CCDC157: variants seen among roughly 807,000 people sequenced by gnomAD.
CCDC157 encodes coiled-coil domain containing 157.
Under a neutral mutation model 70.9 loss-of-function variants are expected in CCDC157, and 60 were observed. That is an observed-to-expected ratio of 0.85 (90% CI 0.69 to 1.05). The LOEUF is 1.05. Ranked by LOEUF, CCDC157 falls within the 50% of genes least tolerant of loss-of-function variation. CCDC157 has a pLI of 0.00. For missense variants in CCDC157, 943 were observed against 984.2 expected (o/e 0.96, Z 0.56); for synonymous variants, 373 against 422.4 (o/e 0.88, Z 1.43).
intron 2 of CCDC157, among the ~76,000 whole-genome samples, chr22:30,362,444 TAGA>T (rs1932412333): frequency 6.6e-6 from 1 of 151,838 alleles, no homozygotes; most frequent in African/African-American, 2.4e-5. Flanking sequence ...GTGTCTTATC[TAGA>T]AGAAGTGTGG....
Position 30,362,112 on chromosome 22 carries a change from G to A in CCDC157, c.-14G>A, listed in dbSNP as rs1235058447. ...AGCTCCACGGGCAGACACCTGCACA[G>A]AGGTAAGGGGAAAGCCCCATCTTCT... On this transcript the variant is annotated splice_region_variant and 5_prime_UTR_variant, in exon 2 of 12. Transcript: ENST00000338306. The A allele has an allele frequency of 6.6e-6, 1 of 152,436 alleles. No individual in the cohort carries two copies. Among genetic ancestry groups the A allele is most frequent in the East Asian group, 1.9e-4 (1 of 5,202 alleles). The allele number at this position is 152,436 out of a possible 1,614,324, so 9.4% of individuals were successfully genotyped here.
At chr22:30,362,294 T>A (rs1029909545) in intron 2 of CCDC157, among the ~76,000 whole-genome samples, 180 bp downstream of exon 2, 1 of 152,190 alleles carries the variant, frequency 6.6e-6, no homozygotes, top group African/African-American at 2.4e-5. Context: ...TCTCAAATAA[T>A]GATTCCATTC....
At chr22:30,367,323 C>T (rs2145898715) in intron 3 of CCDC157, among the ~76,000 whole-genome samples, 1 of 152,032 alleles carries the variant, frequency 6.6e-6, no homozygotes, top group Non-Finnish European at 1.5e-5. Context: ...GCAACCTCCA[C>T]CTCCTGGGTT....
At position 30,376,407 on chromosome 22, in the gene CCDC157, G is replaced by A. The variant is rs201099644; in HGVS notation, c.1947-26G>A. 17 of 1,613,876 alleles carry A rather than the reference G, an allele frequency of 1.1e-5. No homozygotes were observed. The East Asian group carries it at 3.8e-4, about 36-fold the overall frequency. On this transcript the variant is annotated intron_variant, in intron 11 of 11. Transcript: ENST00000338306. Reference sequence around the variant, plus strand: ...GTGGAGTGTTCCCTGCATTCACAGGGGATCTTGGATCTGGTTTTCCTTCAG... The same window carrying A: ...GTGGAGTGTTCCCTGCATTCACAGGAGATCTTGGATCTGGTTTTCCTTCAG...
intron 1 of CCDC157, among the ~76,000 whole-genome samples, chr22:30,358,395 G>C (rs1237683542): frequency 1.3e-5 from 2 of 152,204 alleles, no homozygotes; most frequent in Non-Finnish European, 2.9e-5. Flanking sequence ...GGTAGAGTGG[G>C]AATGCAAGTT....
chr22:30,359,077 G>C (rs1208653548), intron 1 of CCDC157, among the ~76,000 whole-genome samples: 1 of 152,198 alleles, frequency 6.6e-6, no homozygotes, highest in Non-Finnish European at 1.5e-5. Context: ...ATTTGAAGGT[G>C]AACAGATCAG....
intron 2 of CCDC157, 35 bp downstream of exon 2, chr22:30,362,149 G>C (rs930812399): frequency 2.6e-5 from 4 of 152,516 alleles, no homozygotes; most frequent in African/African-American, 9.6e-5. Context: ...GGAGGGTGAA[G>C]AGTCCACCCC....
chr22:30,358,895 C>G (rs1601711865), intron 1 of CCDC157, among the ~76,000 whole-genome samples: 1 of 152,242 alleles, frequency 6.6e-6, no homozygotes, highest in Non-Finnish European at 1.5e-5. Context: ...ACTTGACACA[C>G]ACATAAAGTA....
Position 30,371,723 on chromosome 22 carries a change from T to A in CCDC157, c.1119T>A (p.Ala373=), listed in dbSNP as rs757844117. ...ELKQQRESTQ[A]VEAKAQQLQE... is the part of the protein sequence containing the mutation. The stretch of plus-strand genomic sequence containing the variant: ...AACAGCAGCGGGAGTCCACACAGGC[T>A]GTGGGTAAGGAGCCCCATCATAGGC... Residue 373 remains alanine (A), a synonymous_variant, in exon 6 of 12, where the codon GCT becomes GCA. Transcript: ENST00000338306. 5 of 1,613,824 alleles carry A rather than the reference T, an allele frequency of 3.1e-6. No homozygotes were observed. The South Asian group carries it at 5.5e-5, about 18-fold the overall frequency.
At chr22:30,371,311 G>A in intron 5 of CCDC157, 1 of 494,388 alleles carries the variant, frequency 2.0e-6, no homozygotes, top group Non-Finnish European at 3.6e-6. Flanking sequence ...CTCTGGTTGT[G>A]GCAAAAGCCA....
chr22:30,364,776 C>T (rs1932606008), intron 2 of CCDC157, among the ~76,000 whole-genome samples: 1 of 150,022 alleles, frequency 6.7e-6, no homozygotes, highest in Non-Finnish European at 1.5e-5. Context: ...GATCACGCCA[C>T]TGTACTCCAG....
chr22:30,361,151 G>C (rs897843594), intron 1 of CCDC157, among the ~76,000 whole-genome samples: 1 of 150,990 alleles, frequency 6.6e-6, no homozygotes, highest in Non-Finnish European at 1.5e-5. Context: ...AGGAGGCTGA[G>C]ACAGGAGAAT....
chr22:30,370,756 C>A lies in CCDC157; in HGVS notation c.851C>A (p.Thr284Lys), dbSNP rs748207336. The change falls in exon 5 of 12, where the codon ACG becomes AAG. Residue 284 changes from threonine (T) to lysine (K), a missense_variant. By Grantham distance (78) the Thr-to-Lys change is moderately conservative. Coordinates refer to ENST00000338306, the MANE Select transcript of CCDC157 (RefSeq NM_001017437.5). ...GCAGCAGAGCAGAGGAAAGACCTGA[C>A]GCGCCTCAGTAAGCATGTGGAGGCC... ...RWAAEQRKDL[T>K]RLSKHVEALR... 2 of 1,613,464 alleles carry A rather than the reference C, an allele frequency of 1.2e-6. No homozygotes were observed. The highest frequency in any genetic ancestry group is 1.7e-6 in the Non-Finnish European group (2 of 1,179,956).
In CCDC157 at chr22:30,372,059, C is replaced by G. The variant is rs151180751; in HGVS notation, c.1124-16C>G. Reference sequence around the variant, plus strand: ...TCCCCTGCCCTACCCCATCCCATGTCCACTTAATGCTGCAGAGGCAAAGGC... The same window carrying G: ...TCCCCTGCCCTACCCCATCCCATGTGCACTTAATGCTGCAGAGGCAAAGGC... On this transcript the variant is annotated splice_polypyrimidine_tract_variant and intron_variant, in intron 6 of 11. Transcript: ENST00000338306. 2.0e-6 allele frequency: 3 copies of G among 1,500,736 alleles called. No individual in the cohort carries two copies. The highest frequency in any genetic ancestry group is 1.4e-5 in the African/African-American group (1 of 72,056). The allele number at this position is 1,500,736 out of a possible 1,614,324, so 93.0% of individuals were successfully genotyped here. A position where few individuals can be genotyped will look rare whatever the true frequency, so the allele number is the denominator to read the frequency against.
chr22:30,369,641 G>C, intron 4 of CCDC157, 38 bp downstream of exon 4: 1 of 1,434,168 alleles, frequency 7.0e-7, no homozygotes, highest in Non-Finnish European at 9.2e-7. Flanking sequence ...GTCAGCCTCA[G>C]CCTCTATCTC....
intron 2 of CCDC157, among the ~76,000 whole-genome samples, chr22:30,363,861 T>C (rs954752826): frequency 1.3e-4 from 20 of 152,132 alleles, no homozygotes; most frequent in African/African-American, 4.3e-4. Context: ...CTAATTTTTG[T>C]ATTTTTGTAG....
At chr22:30,370,248 A>C (rs1376077225) in intron 4 of CCDC157, 78 bp from the exon 5 acceptor site, 1 of 1,505,688 alleles carries the variant, frequency 6.6e-7, no homozygotes, top group African/African-American at 1.4e-5. Flanking sequence ...ACTGTCACAG[A>C]ACATCCCCCA....
At chr22:30,362,417 C>T (rs1358735166) in intron 2 of CCDC157, among the ~76,000 whole-genome samples, 1 of 151,962 alleles carries the variant, frequency 6.6e-6, no homozygotes, top group Admixed American at 6.6e-5. Flanking sequence ...GGATGTTTGG[C>T]GGGGGGCCTG....
chr22:30,366,341 T>C, intron 3 of CCDC157, 93 bp downstream of exon 3: 1 of 1,521,858 alleles, frequency 6.6e-7, no homozygotes, highest in Non-Finnish European at 9.0e-7. Context: ...GAGGCAGGGG[T>C]GATGTTGGAA....
Sources: allele counts gnomAD v4.1 joint callset (sites outside exome capture counted in the v4.1 genomes callset), GRCh38; gene constraint gnomAD v4.1.1; transcripts MANE v1.5; gene names NCBI Gene and HGNC (gene_info 2026-07-23, HGNC 2026-07-21).